Variants in KIRREL3 observed in about 807,000 individuals in gnomAD.
The protein encoded by KIRREL3 is kin of IRRE-like protein 3.
KIRREL3 carries 36 observed loss-of-function variants against 89.7 expected under a neutral mutation model. The ratio of observed to expected loss-of-function variants is 0.40; its 90% CI spans 0.31 to 0.53. The LOEUF is 0.53. Among genes scored for constraint, KIRREL3 ranks in the 20% least tolerant of loss-of-function variants. KIRREL3 has a pLI of 0.49. For missense variants in KIRREL3, 864 were observed against 1,056.6 expected (o/e 0.82, Z 2.53); for synonymous variants, 445 against 441.4 (o/e 1.01, Z -0.10).
At chr11:126,921,584 A>C (rs1410584497) in intron 1 of KIRREL3, among the ~76,000 whole-genome samples, 3 of 14,920 alleles carry the variant, frequency 2.0e-4, no homozygotes, top group Admixed American at 1.6e-3. Flanking sequence ...TCTGTCTTCT[A>C]TCTATCTATC....
chr11:127,000,403 C>T lies in KIRREL3; in HGVS notation c.55+52G>A. 6.6e-7 allele frequency: 1 copy of T among 1,518,960 alleles called. No individual in the cohort carries two copies. The highest frequency in any genetic ancestry group is 8.9e-7 in the Non-Finnish European group (1 of 1,118,322). 94.1% of individuals were successfully genotyped at this position (1,518,960 alleles called of 1,614,324 possible). A position where few individuals can be genotyped will look rare whatever the true frequency, so the allele number is the denominator to read the frequency against. ...ACGTTCCTGCCCACAGCCTCCCGCG[C>T]CCTGACAACCCAGCCGACTTTCTTC... On this transcript the variant is annotated intron_variant, in intron 1 of 16. Coordinates refer to ENST00000525144, the MANE Select transcript of KIRREL3 (RefSeq NM_032531.4). This position sits in a 1 kb window ranked among gnomAD's most constrained non-coding sequence, Gnocchi z 7.1.
At position 126,643,911 on chromosome 11, in the gene KIRREL3, T is replaced by C. The variant is rs544974765; in HGVS notation, c.56-80999A>G. On this transcript the variant is annotated intron_variant, in intron 1 of 16. Coordinates refer to ENST00000525144, the MANE Select transcript of KIRREL3 (RefSeq NM_032531.4). This position sits in a 1 kb window ranked among gnomAD's most constrained non-coding sequence, Gnocchi z 4.5. ...AAAAGATCATGATGTCAACTCTAGCTCGAGAACACAGAGAAAAGGCAAGAG... is the reference window on the plus strand; with the variant it reads ...AAAAGATCATGATGTCAACTCTAGCCCGAGAACACAGAGAAAAGGCAAGAG... Among the ~76,000 whole-genome samples, 13 of 152,268 alleles carry C rather than the reference T, an allele frequency of 8.5e-5. No individual in the cohort carries two copies. Among genetic ancestry groups the C allele is most frequent in the African/African-American group, 3.1e-4 (13 of 41,540 alleles).
Position 126,449,052 on chromosome 11 carries a change from G to A in KIRREL3, c.954C>T (p.Asn318=), listed in dbSNP as rs369993672. 318 of 1,613,808 alleles carry A rather than the reference G, an allele frequency of 2.0e-4. 2 individuals carry two copies. The African/African-American group carries it at 3.1e-3, about 15-fold the overall frequency. Residue 318 remains asparagine, a synonymous_variant, in exon 8 of 17, where the codon AAC becomes AAT. Transcript: ENST00000525144. ...FSEPVSCEVT[N]ALGSTNLSRT... is the part of the protein sequence containing the mutation. ...GGCTGAGGTTGGTGCTGCCCAGGGC[G>A]TTGGTCACCTCACAGGAGACGGGCT... is the stretch of plus-strand genomic sequence containing the variant.
At chr11:126,951,807 G>A (rs557775679) in intron 1 of KIRREL3, among the ~76,000 whole-genome samples, 12 of 152,290 alleles carry the variant, frequency 7.9e-5, no homozygotes, top group Admixed American at 3.3e-4. Context: ...GCCACCAGTC[G>A]CTGGGTCCAA....
At chr11:126,499,046 G>A (rs1020271920) in intron 4 of KIRREL3, among the ~76,000 whole-genome samples, 3 of 151,708 alleles carry the variant, frequency 2.0e-5, no homozygotes, top group South Asian at 2.1e-4. Flanking sequence ...CCAGCTACTC[G>A]GAGGCAGAGG....
rs531077314 is a variant in KIRREL3, at chr11:126,993,519, T to C, written c.55+6936A>G. Among the ~76,000 whole-genome samples the C allele has an allele frequency of 6.6e-6, 1 of 152,330 alleles. No homozygotes were observed. The highest frequency in any genetic ancestry group is 1.9e-4 in the East Asian group (1 of 5,186). On this transcript the variant is annotated intron_variant, in intron 1 of 16. Transcript: ENST00000525144. This position sits in a 1 kb window ranked among gnomAD's most constrained non-coding sequence, Gnocchi z 6.1. ...CAACCTTTTCTGATGCCTTTGCTGA[T>C]CCACCTGTTTTCAGAACACTCTGAC...
At chr11:126,926,038 T>A (rs1947699210) in intron 1 of KIRREL3, among the ~76,000 whole-genome samples, 1 of 152,252 alleles carries the variant, frequency 6.6e-6, no homozygotes, top group African/African-American at 2.4e-5. Context: ...GATGTTCTTA[T>A]ATGACTCTAA....
intron 1 of KIRREL3, chr11:126,935,249 C>T (rs1163044265): frequency 1.3e-5 from 2 of 151,124 alleles, no homozygotes; most frequent in Admixed American, 6.6e-5. Flanking sequence ...GCAACAGGCC[C>T]TCTCATTCAC....
intron 1 of KIRREL3, among the ~76,000 whole-genome samples, chr11:126,629,267 T>G (rs1424132336): frequency 1.3e-5 from 2 of 152,168 alleles, no homozygotes; most frequent in Non-Finnish European, 2.9e-5. Flanking sequence ...GGACCAGGAC[T>G]GTGCTGCCTG....
intron 1 of KIRREL3, among the ~76,000 whole-genome samples, chr11:126,680,967 G>T (rs1005141434): frequency 2.6e-5 from 4 of 152,182 alleles, no homozygotes; most frequent in Non-Finnish European, 5.9e-5. Flanking sequence ...GTCTGTCACA[G>T]CAAGATTTGC....
intron 1 of KIRREL3, among the ~76,000 whole-genome samples, chr11:126,721,563 A>G (rs2134170802): frequency 6.6e-6 from 1 of 152,188 alleles, no homozygotes; most frequent in African/African-American, 2.4e-5. Flanking sequence ...CATGAGGAAT[A>G]AATAAGATAA....
chr11:126,613,266 G>A (rs1047123243), intron 1 of KIRREL3, among the ~76,000 whole-genome samples: 8 of 152,096 alleles, frequency 5.3e-5, no homozygotes, highest in African/African-American at 7.3e-5. Context: ...CCCAAAGTTC[G>A]TGATTACAGG....
chr11:126,690,505 AC>A (rs201879301), intron 1 of KIRREL3, among the ~76,000 whole-genome samples: 3,082 of 151,990 alleles, frequency 0.02, 60 homozygotes, highest in Admixed American at 0.046. Context: ...GGAAAATGTT[AC>A]CTGGTTCTTT....
rs1199869332 is a variant in KIRREL3 at position 126,551,457 on chromosome 11, C to T, written c.133+11378G>A. On this transcript the variant is annotated intron_variant, in intron 2 of 16. Transcript: ENST00000525144. The surrounding 1 kb of genome is among the most constrained non-coding windows in gnomAD (Gnocchi z 4.9). ...GCTATGGGAGTTATGAGCCGGGAAC[C>T]GTGGATGAAATCCCCCCACCCCATG... Among the ~76,000 whole-genome samples, 3 of 152,230 alleles carry T rather than the reference C, an allele frequency of 2.0e-5. No individual in the cohort carries two copies. Among genetic ancestry groups the T allele is most frequent in the South Asian group, 4.1e-4 (2 of 4,824 alleles).
rs1226473749 is a variant in KIRREL3, at chr11:126,636,803, T to C, written c.56-73891A>G. Among the ~76,000 whole-genome samples, 2 of 152,228 alleles carry C rather than the reference T, an allele frequency of 1.3e-5. No individual in the cohort carries two copies. The highest frequency in any genetic ancestry group is 2.9e-5 in the Non-Finnish European group (2 of 68,032). The stretch of plus-strand genomic sequence containing the variant: ...AACTAGGAGTCCGGATGATCTGGAC[T>C]TGAATTTGTATCCCGGTTTAACCAC... On this transcript the variant is annotated intron_variant, in intron 1 of 16. Transcript: ENST00000525144. The surrounding 1 kb of genome is among the most constrained non-coding windows in gnomAD (Gnocchi z 4.4).
At chr11:126,968,175 G>T (rs1278971750) in intron 1 of KIRREL3, among the ~76,000 whole-genome samples, 2 of 152,178 alleles carry the variant, frequency 1.3e-5, no homozygotes, top group Non-Finnish European at 2.9e-5. Context: ...TTGGGAGTTG[G>T]TGTTCTTCTT....
rs1349937019 is a variant in KIRREL3, at chr11:126,659,877, GT to G, written c.56-96966del. Among the ~76,000 whole-genome samples the G allele has an allele frequency of 6.6e-5, 10 of 152,330 alleles. No homozygotes were observed. In the East Asian group the frequency reaches 1.9e-3, roughly 29 times the overall value. ...AAGTTTGAGAAGCATACTACTAAGT[GT>G]TGCCTTTAAAGGCAACTCGAAAACT... On this transcript the variant is annotated intron_variant, in intron 1 of 16. Coordinates refer to ENST00000525144, the MANE Select transcript of KIRREL3 (RefSeq NM_032531.4).
Position 126,669,300 on chromosome 11 carries a change from C to T in KIRREL3, c.56-106388G>A, listed in dbSNP as rs184256040. Among the ~76,000 whole-genome samples the T allele has an allele frequency of 2.0e-5, 3 of 152,266 alleles. No individual in the cohort carries two copies. Among genetic ancestry groups the T allele is most frequent in the East Asian group, 1.9e-4 (1 of 5,176 alleles). On this transcript the variant is annotated intron_variant, in intron 1 of 16. Transcript: ENST00000525144. This position sits in a 1 kb window ranked among gnomAD's most constrained non-coding sequence, Gnocchi z 5.0. ...GGCACTGAGTGAAGTTTTCCTTCAG[C>T]GTATTTCAAACACGTGCAAGATCTT...
At chr11:126,438,413 C>T (rs1022935876) in intron 11 of KIRREL3, among the ~76,000 whole-genome samples, 4 of 152,226 alleles carry the variant, frequency 2.6e-5, no homozygotes, top group Non-Finnish European at 5.9e-5. Context: ...GCTATTGTCA[C>T]GCTGGACTGA....
Sources: allele counts gnomAD v4.1 joint callset (sites outside exome capture counted in the v4.1 genomes callset), GRCh38; gene constraint gnomAD v4.1.1; non-coding constraint Gnocchi (gnomAD v3.1); transcripts MANE v1.5; gene names NCBI Gene and HGNC (gene_info 2026-07-23, HGNC 2026-07-21).